CCDC178: variants seen among roughly 807,000 people sequenced by gnomAD.
The protein encoded by CCDC178 is coiled-coil domain-containing protein 178.
In CCDC178, 126 loss-of-function variants were observed where a neutral mutation model predicts 117.4. The observed-to-expected ratio is 1.07, with a 90% CI of 0.93 to 1.24. The LOEUF (loss-of-function observed/expected upper bound fraction) is 1.24, where lower values mean the gene tolerates loss of function less well. Among genes scored for constraint, CCDC178 ranks in the 50% most tolerant of loss-of-function variants. The probability of loss-of-function intolerance (pLI) is 0.00; values close to 1 mark genes in which losing one functional copy is unlikely to be tolerated. For missense variants in CCDC178, 1,030 were observed against 986.9 expected (o/e 1.04, Z -0.59); for synonymous variants, 283 against 313.4 (o/e 0.90, Z 1.02).
intron 2 of CCDC178, among the ~76,000 whole-genome samples, chr18:33,431,190 A>AATTTT (rs2064213906): frequency 8.4e-6 from 1 of 119,608 alleles, no homozygotes; most frequent in South Asian, 3.1e-4. Flanking sequence ...AAATGATTTA[A>AATTTT]CTTTTTTTTT....
chr18:33,260,844 C>T (rs1009992457), intron 14 of CCDC178, among the ~76,000 whole-genome samples: 50 of 151,890 alleles, frequency 3.3e-4, no homozygotes, highest in African/African-American at 9.4e-4. Context: ...TATAGTGGCA[C>T]GCTTGTCACA....
chr18:33,020,426 G>A (rs539507731), intron 21 of CCDC178, among the ~76,000 whole-genome samples: 2 of 152,196 alleles, frequency 1.3e-5, no homozygotes, highest in Non-Finnish European at 2.9e-5. Flanking sequence ...AAATAATTGA[G>A]ATTTATACAT....
At chr18:33,040,086 G>A (rs1050484119) in intron 21 of CCDC178, among the ~76,000 whole-genome samples, 2 of 151,838 alleles carry the variant, frequency 1.3e-5, no homozygotes, top group East Asian at 1.9e-4. Flanking sequence ...AATTGGAAAC[G>A]TTTCCATTTG....
chr18:33,239,937 C>T (rs1441417813), intron 15 of CCDC178, among the ~76,000 whole-genome samples: 1 of 151,890 alleles, frequency 6.6e-6, no homozygotes, highest in Non-Finnish European at 1.5e-5. Context: ...AGAATACATT[C>T]TTTTCATCAG....
intron 3 of CCDC178, among the ~76,000 whole-genome samples, chr18:33,404,741 A>G (rs1568205703): frequency 6.6e-6 from 1 of 152,136 alleles, no homozygotes; most frequent in Non-Finnish European, 1.5e-5. Flanking sequence ...TATAAACAAT[A>G]GGTGGAATAT....
intron 20 of CCDC178, among the ~76,000 whole-genome samples, chr18:33,102,115 T>G (rs1441410276): frequency 6.6e-6 from 1 of 151,808 alleles, no homozygotes; most frequent in African/African-American, 2.4e-5. Context: ...GAGATAGCAT[T>G]AACAATTTGG....
chr18:33,254,708 AGAAGAC>A (rs2059658188), intron 14 of CCDC178, among the ~76,000 whole-genome samples: 1 of 152,064 alleles, frequency 6.6e-6, no homozygotes, highest in African/African-American at 2.4e-5. Context: ...ATGCTGAAGA[AGAAGAC>A]GAAGAGAAGG....
chr18:33,141,089 G>T (rs375164174), intron 20 of CCDC178, among the ~76,000 whole-genome samples: 2 of 152,238 alleles, frequency 1.3e-5, no homozygotes, highest in African/African-American at 4.8e-5. Flanking sequence ...CGCCATGATT[G>T]TGAGGCCTCC....
intron 11 of CCDC178, among the ~76,000 whole-genome samples, chr18:33,303,851 C>T (rs1320763877): frequency 6.6e-6 from 1 of 152,096 alleles, no homozygotes; most frequent in Admixed American, 6.5e-5. Flanking sequence ...GTAGTCAGGG[C>T]ACACTGCCTG....
intron 11 of CCDC178, among the ~76,000 whole-genome samples, chr18:33,319,193 C>A (rs1037136279): frequency 2.0e-5 from 3 of 151,812 alleles, no homozygotes; most frequent in Admixed American, 6.6e-5. Flanking sequence ...CCTCCCCGCT[C>A]CCTCCACCTC....
At chr18:33,222,075 T>C (rs1226916535) in intron 18 of CCDC178, among the ~76,000 whole-genome samples, 1 of 152,114 alleles carries the variant, frequency 6.6e-6, no homozygotes, top group African/African-American at 2.4e-5. Context: ...ATATTAAATG[T>C]GATATTTTAT....
At chr18:33,163,226 A>C (rs995815800) in intron 20 of CCDC178, among the ~76,000 whole-genome samples, 1 of 152,178 alleles carries the variant, frequency 6.6e-6, no homozygotes. Context: ...GGCCACATGC[A>C]TATCTTCTTT....
At chr18:33,021,558 C>G (rs1169928072) in intron 21 of CCDC178, among the ~76,000 whole-genome samples, 1 of 152,052 alleles carries the variant, frequency 6.6e-6, no homozygotes, top group African/African-American at 2.4e-5. Context: ...ACAAAACACA[C>G]AACACACACA....
chr18:33,244,261 T>C (rs1599044667), intron 15 of CCDC178, among the ~76,000 whole-genome samples: 2 of 152,034 alleles, frequency 1.3e-5, no homozygotes, highest in South Asian at 4.1e-4. Context: ...CATAAGTCTT[T>C]AAGAAAATAG....
intron 3 of CCDC178, among the ~76,000 whole-genome samples, chr18:33,409,130 T>C (rs943260509): frequency 2.0e-5 from 3 of 152,184 alleles, no homozygotes; most frequent in Admixed American, 2.0e-4. Flanking sequence ...AGGGTCTTGC[T>C]CTTCACCCAA....
At chr18:33,366,145 T>C (rs747814804) in intron 6 of CCDC178, among the ~76,000 whole-genome samples, 3 of 152,050 alleles carry the variant, frequency 2.0e-5, no homozygotes, top group Non-Finnish European at 4.4e-5. Flanking sequence ...CCAGGGTAGA[T>C]GTAAGCTTTA....
chr18:32,994,473 A>T (rs2055461399), intron 21 of CCDC178, among the ~76,000 whole-genome samples: 1 of 152,166 alleles, frequency 6.6e-6, no homozygotes, highest in African/African-American at 2.4e-5. Flanking sequence ...ACAGTGTACA[A>T]ATCTGGACCT....
intron 20 of CCDC178, among the ~76,000 whole-genome samples, chr18:33,133,269 T>G (rs918702157): frequency 6.6e-6 from 1 of 151,850 alleles, no homozygotes; most frequent in African/African-American, 2.4e-5. Flanking sequence ...TATGTTATTA[T>G]AGAGTTAAAT....
chr18:33,417,374 C>A (rs978542368), intron 2 of CCDC178, among the ~76,000 whole-genome samples: 12 of 152,264 alleles, frequency 7.9e-5, no homozygotes, highest in Non-Finnish European at 1.0e-4. Context: ...CATTTATATT[C>A]ATGACATAAC....
Sources: gnomAD v4.1 joint callset for allele counts (sites outside exome capture counted in the v4.1 genomes callset) on GRCh38, gnomAD v4.1.1 for gene constraint, MANE v1.5 for transcripts, NCBI Gene and HGNC (gene_info 2026-07-23, HGNC 2026-07-21) for gene names.